Variants in OR51C1 observed in about 807,000 individuals in gnomAD.
The protein encoded by OR51C1 is olfactory receptor OR51C1.
chr11:4,694,106 T>C, the OR51C1 span, among the ~76,000 whole-genome samples: 1 of 152,212 alleles, frequency 6.6e-6, no homozygotes, highest in East Asian at 1.9e-4. Context: ...AAAAATTAAA[T>C]TGCTATTTGA....
At chr11:4,694,579 C>T in the OR51C1 span, among the ~76,000 whole-genome samples, 26,368 of 117,048 alleles carry the variant, frequency 0.23, 2,723 homozygotes, top group East Asian at 0.34. Context: ...TATATATACA[C>T]ACACACACAC....
chr11:4,691,391 G>T, the OR51C1 span: 1 of 457,762 alleles, frequency 2.2e-6, no homozygotes, highest in African/African-American at 2.0e-5. Context: ...ATTTAATAAA[G>T]AACATGTGGG....
the OR51C1 span, among the ~76,000 whole-genome samples, chr11:4,696,901 T>C: frequency 6.6e-6 from 1 of 152,324 alleles, no homozygotes; most frequent in East Asian, 1.9e-4. Flanking sequence ...TGACCTGGGT[T>C]CAGATTCTTG....
chr11:4,695,993 C>G, the OR51C1 span, among the ~76,000 whole-genome samples: 1 of 152,092 alleles, frequency 6.6e-6, no homozygotes, highest in South Asian at 2.1e-4. Context: ...CTCCAGAGTT[C>G]TGTATTTTAA....
chr11:4,693,500 T>A, the OR51C1 span, among the ~76,000 whole-genome samples: 869 of 152,282 alleles, frequency 5.7e-3, 5 homozygotes, highest in Middle Eastern at 0.044. Context: ...GGTGGGCGGA[T>A]CACGAGGTCA....
At chr11:4,691,201 G>A in the OR51C1 span, 15 of 456,684 alleles carry the variant, frequency 3.3e-5, no homozygotes, top group Non-Finnish European at 6.6e-5. Context: ...CAGTAGGAAA[G>A]TCTTATAAGA....
At chr11:4,691,148 A>T in the OR51C1 span, 1 of 456,732 alleles carries the variant, frequency 2.2e-6, no homozygotes, top group Non-Finnish European at 4.4e-6. Context: ...GCTTCATCAC[A>T]TCAGGGTGGT....
At chr11:4,691,216 C>T in the OR51C1 span, 1 of 456,814 alleles carries the variant, frequency 2.2e-6, no homozygotes, top group African/African-American at 2.0e-5. Flanking sequence ...ATAAGAAGTG[C>T]TACCATTGGT....
the OR51C1 span, chr11:4,691,758 A>C: frequency 6.0e-6 from 2 of 334,638 alleles, no homozygotes; most frequent in African/African-American, 4.3e-5. Flanking sequence ...AGCTACATTC[A>C]TTTGTGTATT....
At chr11:4,694,745 A>C in the OR51C1 span, among the ~76,000 whole-genome samples, 1 of 152,128 alleles carries the variant, frequency 6.6e-6, no homozygotes, top group Non-Finnish European at 1.5e-5. Context: ...CTAGTTGTAG[A>C]GTGTATAAGG....
the OR51C1 span, among the ~76,000 whole-genome samples, chr11:4,696,690 A>G: frequency 6.6e-6 from 1 of 152,046 alleles, no homozygotes; most frequent in Non-Finnish European, 1.5e-5. Context: ...TCCAATCCAT[A>G]TATACTTTCA....
At chr11:4,694,971 A>T in the OR51C1 span, among the ~76,000 whole-genome samples, 1 of 152,178 alleles carries the variant, frequency 6.6e-6, no homozygotes, top group East Asian at 1.9e-4. Flanking sequence ...AGTGCCGTTG[A>T]TAAAATGAGG....
At chr11:4,691,619 C>A in the OR51C1 span, 1 of 449,832 alleles carries the variant, frequency 2.2e-6, no homozygotes, top group African/African-American at 2.0e-5. Flanking sequence ...GAATGGAGAT[C>A]CAGGTGTGGA....
At chr11:4,695,737 T>G in the OR51C1 span, among the ~76,000 whole-genome samples, 1 of 151,890 alleles carries the variant, frequency 6.6e-6, no homozygotes, top group Admixed American at 6.6e-5. Flanking sequence ...TCCTTGAAAC[T>G]TTCTCCTTCA....
At chr11:4,696,149 C>T in the OR51C1 span, among the ~76,000 whole-genome samples, 10 of 152,128 alleles carry the variant, frequency 6.6e-5, no homozygotes, top group African/African-American at 2.4e-4. Context: ...CTCCTTGCTG[C>T]ATGTGGTGAA....
chr11:4,692,653 AG>A, the OR51C1 span, among the ~76,000 whole-genome samples: 9 of 152,290 alleles, frequency 5.9e-5, no homozygotes, highest in Admixed American at 4.6e-4. Flanking sequence ...AACAGAGATT[AG>A]GGTTGTGGCT....
At chr11:4,692,172 G>T in the OR51C1 span, 1 of 452,704 alleles carries the variant, frequency 2.2e-6, no homozygotes, top group East Asian at 7.0e-5. Flanking sequence ...CATAAGTGTG[G>T]AAAGCAGAGA....
the OR51C1 span, chr11:4,692,136 C>G: frequency 2.2e-6 from 1 of 451,352 alleles, no homozygotes; most frequent in East Asian, 7.0e-5. Context: ...TACACTGGGG[C>G]TGTGGAACAG....
chr11:4,691,156 G>A, the OR51C1 span: 3 of 456,578 alleles, frequency 6.6e-6, no homozygotes, highest in Non-Finnish European at 1.3e-5. Context: ...ACATCAGGGT[G>A]GTAGCAGTAG....
Sources: gnomAD v4.1 joint callset for allele counts (sites outside exome capture counted in the v4.1 genomes callset) on GRCh38, gnomAD v4.1.1 for gene constraint, MANE v1.5 for transcripts, NCBI Gene and HGNC (gene_info 2026-07-23, HGNC 2026-07-21) for gene names.